Variants in FRRS1 observed in about 807,000 individuals in gnomAD.
FRRS1 encodes ferric chelate reductase 1.
Under a neutral mutation model 70.7 loss-of-function variants are expected in FRRS1, and 51 were observed. That is an observed-to-expected ratio of 0.72 (90% confidence interval 0.58 to 0.91). The LOEUF (loss-of-function observed/expected upper bound fraction) is 0.91. Among genes scored for constraint, FRRS1 ranks in the 40% least tolerant of loss-of-function variants. FRRS1 has a pLI of 0.00. For synonymous variants in FRRS1, 225 were observed against 238.7 expected (o/e 0.94, Z 0.53); for missense variants, 672 against 726.0 (o/e 0.93, Z 0.86).
chr1:99,752,189 A>G (rs1453746335), intron 1 of FRRS1, among the ~76,000 whole-genome samples: 1 of 152,192 alleles, frequency 6.6e-6, no homozygotes, highest in Non-Finnish European at 1.5e-5. Flanking sequence ...TCATATGTTC[A>G]CTGGAGTAAC....
intron 6 of FRRS1, among the ~76,000 whole-genome samples, chr1:99,738,783 G>A (rs374126982): frequency 6.6e-6 from 1 of 151,966 alleles, no homozygotes; most frequent in African/African-American, 2.4e-5. Flanking sequence ...TTCAAATTTC[G>A]TACTAAAATG....
At chr1:99,758,171 C>T (rs1463692527) in intron 1 of FRRS1, among the ~76,000 whole-genome samples, 1 of 152,208 alleles carries the variant, frequency 6.6e-6, no homozygotes, top group African/African-American at 2.4e-5. Flanking sequence ...ATAAGGTGAA[C>T]ATACAGTAGC....
At chr1:99,721,571 A>G (rs938653663) in intron 9 of FRRS1, among the ~76,000 whole-genome samples, 1 of 151,912 alleles carries the variant, frequency 6.6e-6, no homozygotes, top group Non-Finnish European at 1.5e-5. Context: ...AGTAGTAACC[A>G]TGGAGAGTAA....
rs192583899 is a variant in FRRS1 at position 99,708,899 on chromosome 1, T to C, written c.*129A>G. The stretch of plus-strand genomic sequence containing the variant: ...TAAAGGCTGGACTTCAGAATTCCTC[T>C]ACAGACATGACCCCAGTCTTCCAAG... On this transcript the variant is annotated 3_prime_UTR_variant, in exon 17 of 17. Coordinates refer to ENST00000646001, the MANE Select transcript of FRRS1 (RefSeq NM_001361041.2). The C allele has an allele frequency of 1.1e-4, 183 of 1,609,544 alleles. No individual in the cohort carries two copies. The East Asian group carries it at 3.9e-3, about 35-fold the overall frequency.
rs1654132766 is a variant in FRRS1 at position 99,708,666 on chromosome 1, TA to T, written c.*361del. 4 of 136,268 alleles carry T rather than the reference TA, an allele frequency of 2.9e-5. No homozygotes were observed. The highest frequency in any genetic ancestry group is 1.5e-4 in the African/African-American group (4 of 27,394). The allele number at this position is 136,268 out of a possible 1,614,324, so 8.4% of individuals were successfully genotyped here. A position where few individuals can be genotyped will look rare whatever the true frequency, so the allele number is the denominator to read the frequency against. ...TATATATATATATATATATATATCG[TA>T]ATATATCTCTTTATTATCCTAGTGA... On this transcript the variant is annotated 3_prime_UTR_variant, in exon 17 of 17. Coordinates refer to ENST00000646001, the MANE Select transcript of FRRS1 (RefSeq NM_001361041.2).
intron 7 of FRRS1, among the ~76,000 whole-genome samples, chr1:99,737,759 T>C (rs2100958775): frequency 6.6e-6 from 1 of 152,292 alleles, no homozygotes; most frequent in African/African-American, 2.4e-5. Flanking sequence ...GGGGGGTTTT[T>C]TTAGATGGAG....
At chr1:99,732,462 G>T (rs987253890) in intron 7 of FRRS1, among the ~76,000 whole-genome samples, 30 of 152,262 alleles carry the variant, frequency 2.0e-4, no homozygotes, top group African/African-American at 7.0e-4. Context: ...AGACAGATAG[G>T]TAAAGTGACA....
intron 1 of FRRS1, among the ~76,000 whole-genome samples, chr1:99,755,177 T>C (rs910579951): frequency 6.6e-6 from 1 of 151,978 alleles, no homozygotes; most frequent in Non-Finnish European, 1.5e-5. Context: ...CCCAACACTT[T>C]GGGAGACTAA....
chr1:99,763,277 C>CT lies in FRRS1; in HGVS notation c.-106+3329dup, dbSNP rs150120433. On this transcript the variant is annotated intron_variant, in intron 1 of 16. Coordinates refer to ENST00000646001, the MANE Select transcript of FRRS1 (RefSeq NM_001361041.2). ...CTATTTTTCCCCTAAATGGGACCCCCTATTTTTATATGGACAGGAATTTGG... is the reference window on the plus strand; with the variant it reads ...CTATTTTTCCCCTAAATGGGACCCCCTTATTTTTATATGGACAGGAATTTGG... Among the ~76,000 whole-genome samples the CT allele has an allele frequency of 7.4e-3, 1,117 of 151,954 alleles. 20 individuals are homozygous for CT. The highest frequency in any genetic ancestry group is 0.026 in the African/African-American group (1,060 of 41,452).
At chr1:99,720,385 G>A (rs1654754071) in intron 9 of FRRS1, among the ~76,000 whole-genome samples, 1 of 151,908 alleles carries the variant, frequency 6.6e-6, no homozygotes, top group Admixed American at 6.6e-5. Flanking sequence ...AAATAAAAAA[G>A]CAAACAAACT....
At chr1:99,766,234 T>C (rs1444512341) in intron 1 of FRRS1, among the ~76,000 whole-genome samples, 10 of 151,904 alleles carry the variant, frequency 6.6e-5, no homozygotes, top group Admixed American at 6.6e-4. Context: ...TAGGTAACCA[T>C]GCCACTAGCT....
intron 5 of FRRS1, among the ~76,000 whole-genome samples, chr1:99,741,781 G>A (rs1293048714): frequency 1.3e-5 from 2 of 152,204 alleles, no homozygotes; most frequent in Admixed American, 1.3e-4. Flanking sequence ...CTCTTATTAG[G>A]ATTAAGGCAG....
At chr1:99,735,665 GC>G (rs1279270453) in intron 7 of FRRS1, among the ~76,000 whole-genome samples, 1 of 152,136 alleles carries the variant, frequency 6.6e-6, no homozygotes, top group Non-Finnish European at 1.5e-5. Flanking sequence ...GCGTAATTAA[GC>G]CTTTTTTGTA....
At chr1:99,726,270 G>A (rs142890492) in intron 9 of FRRS1, among the ~76,000 whole-genome samples, 11 of 152,242 alleles carry the variant, frequency 7.2e-5, no homozygotes, top group South Asian at 6.2e-4. Context: ...GGCCTCCCGA[G>A]CCATGCTTCC....
intron 8 of FRRS1, 37 bp downstream of exon 8, chr1:99,729,613 G>T: frequency 7.6e-7 from 1 of 1,308,452 alleles, no homozygotes; most frequent in Non-Finnish European, 1.1e-6. Flanking sequence ...CGGAAAGCGG[G>T]TCTCCAGGTG....
chr1:99,725,545 T>C (rs1385871083), intron 9 of FRRS1, among the ~76,000 whole-genome samples: 3 of 152,154 alleles, frequency 2.0e-5, no homozygotes, highest in African/African-American at 7.2e-5. Context: ...TTCAGGAATC[T>C]GCATTGCTAG....
chr1:99,729,823 C>A, intron 7 of FRRS1, 75 bp from the exon 8 acceptor site: 1 of 882,414 alleles, frequency 1.1e-6, no homozygotes. Flanking sequence ...TAAAAAAGTA[C>A]ATCAGGAAAC....
chr1:99,763,670 A>G (rs1657216616), intron 1 of FRRS1, among the ~76,000 whole-genome samples: 1 of 152,154 alleles, frequency 6.6e-6, no homozygotes, highest in Non-Finnish European at 1.5e-5. Flanking sequence ...GAAGTTCGAG[A>G]CCAGCCTGAC....
chr1:99,711,729 T>C (rs1654281563), intron 14 of FRRS1, among the ~76,000 whole-genome samples: 1 of 152,144 alleles, frequency 6.6e-6, no homozygotes, highest in Non-Finnish European at 1.5e-5. Context: ...ACAAGCCCCA[T>C]GGAAAGGACC....
Sources: gnomAD v4.1 joint callset for allele counts (sites outside exome capture counted in the v4.1 genomes callset) on GRCh38, gnomAD v4.1.1 for gene constraint, MANE v1.5 for transcripts, NCBI Gene and HGNC (gene_info 2026-07-23, HGNC 2026-07-21) for gene names.